Variants in SOX6 observed in about 807,000 individuals in gnomAD.
SOX6 encodes transcription factor SOX-6.
In SOX6, 11 loss-of-function variants were observed where a neutral mutation model predicts 97.8. That is an observed-to-expected ratio of 0.11 (90% CI 0.07 to 0.19). The LOEUF (loss-of-function observed/expected upper bound fraction) is 0.19, where lower values mean the gene tolerates loss of function less well. Ranked by LOEUF, SOX6 falls within the 10% of genes least tolerant of loss-of-function variation. The probability of loss-of-function intolerance (pLI) is 1.00; values close to 1 mark genes in which losing one functional copy is unlikely to be tolerated. For missense variants in SOX6, 810 were observed against 1,039.5 expected (o/e 0.78, Z 3.04); for synonymous variants, 360 against 371.4 (o/e 0.97, Z 0.35).
rs566191332 is a variant in SOX6 at position 16,514,627 on chromosome 11, C to T, written n.610-38239G>A. 7.2e-5 allele frequency among the ~76,000 whole-genome samples: 11 copies of T among 151,734 alleles called. No individual in the cohort carries two copies. The South Asian group carries it at 1.9e-3, about 26-fold the overall frequency. ...TAGTTACATAGGTATACATGTGCCA[C>T]ACTGGTGCGCTGCACCCACTAACTC... On this transcript the variant is annotated intron_variant and non_coding_transcript_variant, in intron 4 of 5. Coordinates refer to the SOX6 transcript ENST00000524520.
chr11:16,281,544 G>GGAACAAAATAGCT (rs1854565359), intron 3 of SOX6, among the ~76,000 whole-genome samples: 3 of 151,958 alleles, frequency 2.0e-5, no homozygotes, highest in Non-Finnish European at 2.9e-5. Context: ...TAGTGGAAGT[G>GGAACAAAATAGCT]ATTGGAACAA....
intron 4 of SOX6, among the ~76,000 whole-genome samples, chr11:16,609,528 A>C (rs1848373032): frequency 6.6e-6 from 1 of 152,254 alleles, no homozygotes; most frequent in Non-Finnish European, 1.5e-5. Context: ...TAAAGTTGCC[A>C]ACATGGGGAA....
At chr11:16,347,931 C>T (rs1291231493) in intron 1 of SOX6, among the ~76,000 whole-genome samples, 2 of 151,830 alleles carry the variant, frequency 1.3e-5, no homozygotes, top group Non-Finnish European at 2.9e-5. Context: ...AGGCAATCTA[C>T]CAAGTCCACT....
At chr11:16,143,689 AG>A (rs1850211450) in intron 6 of SOX6, among the ~76,000 whole-genome samples, 1 of 152,206 alleles carries the variant, frequency 6.6e-6, no homozygotes. Flanking sequence ...AAAAAAAGGC[AG>A]GGGTTGCAAT....
At position 16,410,836 on chromosome 11, in the gene SOX6, G is replaced by T. The variant is rs140856237; in HGVS notation, c.-5+65479C>A. Among the ~76,000 whole-genome samples the T allele has an allele frequency of 9.2e-4, 138 of 150,312 alleles. 1 individual carries two copies. In the East Asian group the frequency reaches 0.023, roughly 25 times the overall value. ...TAAGCAGGTAAAAATGAAAACAGATGATATACTGTGGAAGTGTATGAGAGG... is the reference window on the plus strand; with the variant it reads ...TAAGCAGGTAAAAATGAAAACAGATTATATACTGTGGAAGTGTATGAGAGG... On this transcript the variant is annotated intron_variant, in intron 1 of 15. Transcript: ENST00000396356.
At chr11:16,135,191 C>T (rs1156848093) in intron 6 of SOX6, among the ~76,000 whole-genome samples, 1 of 152,150 alleles carries the variant, frequency 6.6e-6, no homozygotes. Context: ...AATATTACTG[C>T]TCATTAACAA....
chr11:16,601,015 T>A (rs574372676), intron 4 of SOX6, among the ~76,000 whole-genome samples: 1 of 151,432 alleles, frequency 6.6e-6, no homozygotes, highest in Non-Finnish European at 1.5e-5. Flanking sequence ...GATGAATACA[T>A]AAACTGTTCT....
chr11:16,539,518 C>T (rs531659722), intron 4 of SOX6, among the ~76,000 whole-genome samples: 47 of 152,068 alleles, frequency 3.1e-4, no homozygotes, highest in Non-Finnish European at 5.6e-4. Context: ...TTCAAAAAAT[C>T]AATGAATCCA....
chr11:15,981,552 GT>G (rs1400446001), intron 15 of SOX6, among the ~76,000 whole-genome samples: 1 of 152,056 alleles, frequency 6.6e-6, no homozygotes, highest in Non-Finnish European at 1.5e-5. Context: ...ACATATCTCT[GT>G]AGCTGATACT....
chr11:16,516,424 C>T (rs1200472209), intron 4 of SOX6, among the ~76,000 whole-genome samples: 1 of 152,092 alleles, frequency 6.6e-6, no homozygotes, highest in African/African-American at 2.4e-5. Flanking sequence ...GCTGAAGTTG[C>T]TTATGAGCTT....
chr11:16,229,954 A>G (rs1852800597), intron 4 of SOX6, among the ~76,000 whole-genome samples: 1 of 151,864 alleles, frequency 6.6e-6, no homozygotes, highest in Admixed American at 6.6e-5. Context: ...GAAAACTCTA[A>G]TCAATTTATA....
chr11:16,078,033 T>TA (rs1564942050), intron 9 of SOX6, among the ~76,000 whole-genome samples: 1 of 152,208 alleles, frequency 6.6e-6, no homozygotes, highest in Admixed American at 6.5e-5. Context: ...TGTTAACATA[T>TA]AATGCCTTAT....
intron 1 of SOX6, among the ~76,000 whole-genome samples, chr11:16,474,460 T>C (rs1435579554): frequency 2.0e-5 from 3 of 152,336 alleles, no homozygotes; most frequent in Non-Finnish European, 2.9e-5. Flanking sequence ...CCTTGATCCA[T>C]GGCCTACAGA....
At chr11:16,644,700 AC>A (rs1287746686) in intron 3 of SOX6, among the ~76,000 whole-genome samples, 1 of 151,582 alleles carries the variant, frequency 6.6e-6, no homozygotes, top group East Asian at 1.9e-4. Context: ...TGTCTTGAAA[AC>A]TCCACAGATA....
At chr11:16,153,144 C>T (rs935891747) in intron 6 of SOX6, among the ~76,000 whole-genome samples, 12 of 152,102 alleles carry the variant, frequency 7.9e-5, no homozygotes, top group Admixed American at 2.0e-4. Context: ...GGATTACAGG[C>T]ATGAGCCACC....
chr11:16,463,321 A>G (rs1185971038), intron 1 of SOX6, among the ~76,000 whole-genome samples: 1 of 152,212 alleles, frequency 6.6e-6, no homozygotes, highest in African/African-American at 2.4e-5. Context: ...ACTGTGCTAG[A>G]AACTCCATAT....
chr11:16,128,406 A>T (rs1365965595), intron 6 of SOX6, among the ~76,000 whole-genome samples: 1 of 152,184 alleles, frequency 6.6e-6, no homozygotes, highest in Non-Finnish European at 1.5e-5. Context: ...GACTTTTAGA[A>T]CTGCAATAGT....
rs1848435990 is a variant in SOX6, at chr11:16,613,999, C to T, written n.430-1739G>A. 6.6e-6 allele frequency among the ~76,000 whole-genome samples: 1 copy of T among 152,156 alleles called. No homozygotes were observed. Among genetic ancestry groups the T allele is most frequent in the Admixed American group, 6.5e-5 (1 of 15,286 alleles). On this transcript the variant is annotated intron_variant and non_coding_transcript_variant, in intron 3 of 5. Coordinates refer to the SOX6 transcript ENST00000524520. This position sits in a 1 kb window ranked among gnomAD's most constrained non-coding sequence, Gnocchi z 4.6. The stretch of plus-strand genomic sequence containing the variant: ...CGCCGTCTGCCCTCAGAGACTCGGG[C>T]TGACAGGAGTGAGAGCTAAAACTTC...
chr11:16,184,387 G>A (rs1851417511), intron 5 of SOX6, among the ~76,000 whole-genome samples: 1 of 152,070 alleles, frequency 6.6e-6, no homozygotes, highest in Admixed American at 6.6e-5. Flanking sequence ...AACCTTTCCT[G>A]ATACAAAGAT....
Sources: allele counts gnomAD v4.1 joint callset (sites outside exome capture counted in the v4.1 genomes callset), GRCh38; gene constraint gnomAD v4.1.1; non-coding constraint Gnocchi (gnomAD v3.1); transcripts MANE v1.5; gene names NCBI Gene and HGNC (gene_info 2026-07-23, HGNC 2026-07-21).